Variants in ACOXL observed in about 807,000 individuals in gnomAD.
ACOXL encodes acyl-coenzyme A oxidase-like protein.
Under a neutral mutation model 71.9 loss-of-function variants are expected in ACOXL, and 70 were observed. That is an observed-to-expected ratio of 0.97 (90% confidence interval 0.80 to 1.19). The LOEUF is 1.19. ACOXL is among the 50% of genes most tolerant of loss of function. The pLI is 0.00. For synonymous variants in ACOXL, 253 were observed against 281.6 expected (o/e 0.90, Z 1.02); for missense variants, 703 against 736.3 (o/e 0.95, Z 0.52).
At chr2:110,909,412 A>G (rs2059574347) in intron 11 of ACOXL, among the ~76,000 whole-genome samples, 1 of 152,088 alleles carries the variant, frequency 6.6e-6, no homozygotes, top group South Asian at 2.1e-4. Flanking sequence ...TCTGCCTCTC[A>G]GCTATTCCTC....
chr2:110,927,865 T>C (rs2060336385), intron 11 of ACOXL, among the ~76,000 whole-genome samples: 1 of 152,232 alleles, frequency 6.6e-6, no homozygotes, highest in African/African-American at 2.4e-5. Context: ...GAAACGTACA[T>C]TTCTGAAGGG....
intron 1 of ACOXL, among the ~76,000 whole-genome samples, chr2:110,766,659 CTTGT>C (rs1235741151): frequency 1.3e-3 from 201 of 152,264 alleles, no homozygotes; most frequent in Non-Finnish European, 2.4e-3. Flanking sequence ...CTCCTTTTTC[CTTGT>C]TAATACCGAG....
intron 12 of ACOXL, among the ~76,000 whole-genome samples, chr2:110,985,987 G>A (rs1174227774): frequency 2.0e-5 from 3 of 152,126 alleles, no homozygotes; most frequent in Non-Finnish European, 4.4e-5. Context: ...AGTTCGTGGG[G>A]ATTTATTCTC....
At chr2:111,043,522 G>A (rs1205250963) in intron 15 of ACOXL, among the ~76,000 whole-genome samples, 1 of 152,176 alleles carries the variant, frequency 6.6e-6, no homozygotes, top group Non-Finnish European at 1.5e-5. Flanking sequence ...GGAGGAGAGG[G>A]CTGAGGGACA....
At chr2:110,968,168 G>A (rs879188683) in intron 12 of ACOXL, 8 of 1,207,544 alleles carry the variant, frequency 6.6e-6, no homozygotes, top group African/African-American at 3.0e-5. Flanking sequence ...CTTCTCAATA[G>A]GTTTGGCACA....
chr2:110,893,648 A>G (rs2058883461), intron 10 of ACOXL, among the ~76,000 whole-genome samples: 1 of 152,222 alleles, frequency 6.6e-6, no homozygotes, highest in Non-Finnish European at 1.5e-5. Context: ...GCCTTCAAGT[A>G]TAGTTAATGA....
At chr2:110,820,499 A>G (rs1688464600) in intron 9 of ACOXL, among the ~76,000 whole-genome samples, 1 of 151,920 alleles carries the variant, frequency 6.6e-6, no homozygotes, top group Non-Finnish European at 1.5e-5. Flanking sequence ...GTGCCCCAGC[A>G]GATGACTTCT....
chr2:110,990,980 T>A (rs763229186), intron 13 of ACOXL, among the ~76,000 whole-genome samples: 1 of 152,194 alleles, frequency 6.6e-6, no homozygotes, highest in Non-Finnish European at 1.5e-5. Context: ...TATGTCAAAG[T>A]TTTACATCTC....
Position 111,092,951 on chromosome 2 carries a change from G to A in ACOXL, c.1527G>A (p.Thr509=), listed in dbSNP as rs754574422. The part of the protein sequence containing the change: ...EHKYLTPMAS[T]RIRNQLLDLC... ...AATACTTGACTCCCATGGCCAGCAC[G>A]AGGATCAGGAATCAGGTAAGGTCCC... Residue 509 remains threonine, a synonymous_variant, in exon 17 of 18, where the codon ACG becomes ACA. Coordinates refer to ENST00000439055, the MANE Select transcript of ACOXL (RefSeq NM_001142807.4). 83 of 1,613,822 alleles carry A rather than the reference G, an allele frequency of 5.1e-5. 1 individual carries two copies. The highest frequency in any genetic ancestry group is 4.8e-4 in the Admixed American group (29 of 59,976).
At chr2:111,055,666 G>T (rs2066498835) in intron 16 of ACOXL, among the ~76,000 whole-genome samples, 1 of 152,218 alleles carries the variant, frequency 6.6e-6, no homozygotes, top group Non-Finnish European at 1.5e-5. Flanking sequence ...CAGTCATCTG[G>T]GGCTGGGAAT....
At chr2:111,076,387 A>G (rs796345570) in intron 16 of ACOXL, among the ~76,000 whole-genome samples, 11 of 152,092 alleles carry the variant, frequency 7.2e-5, no homozygotes, top group African/African-American at 2.2e-4. Flanking sequence ...TGAAGTCTAC[A>G]TTGTCTGATA....
At chr2:111,019,955 G>A (rs111849794) in intron 14 of ACOXL, among the ~76,000 whole-genome samples, 6 of 152,188 alleles carry the variant, frequency 3.9e-5, no homozygotes, top group Admixed American at 6.5e-5. Flanking sequence ...CTACCTCTCC[G>A]GTTCAAGCGA....
At chr2:111,095,391 C>CTTTTTTTTTTTTTTTTTTTTTTT (rs780172456) in intron 17 of ACOXL, among the ~76,000 whole-genome samples, 1 of 116,592 alleles carries the variant, frequency 8.6e-6, no homozygotes, top group Non-Finnish European at 1.7e-5. Context: ...TTTTCTTTTT[C>CTTTTTTTTTTTTTTTTTTTTTTT]TTTTTTTTTT....
rs556094239 is a variant in ACOXL, at chr2:110,948,061, T to C, written c.1059+14419T>C. 5.9e-5 allele frequency among the ~76,000 whole-genome samples: 9 copies of C among 152,346 alleles called. No homozygotes were observed. The South Asian group carries it at 1.0e-3, about 18-fold the overall frequency. ...TTCTCATCTCTGCCCCCAGCTGCCC[T>C]GTTTCTCCTCAGTGCGTTCCAGAAT... is the stretch of plus-strand genomic sequence containing the variant. On this transcript the variant is annotated intron_variant, in intron 12 of 17. Transcript: ENST00000439055.
At chr2:110,986,227 C>T (rs1455124022) in intron 12 of ACOXL, among the ~76,000 whole-genome samples, 1 of 152,054 alleles carries the variant, frequency 6.6e-6, no homozygotes, top group East Asian at 1.9e-4. Context: ...TTAAAGCAAA[C>T]ATAACATTTT....
intron 10 of ACOXL, among the ~76,000 whole-genome samples, chr2:110,874,179 G>T (rs1372842197): frequency 6.6e-6 from 1 of 152,238 alleles, no homozygotes; most frequent in Non-Finnish European, 1.5e-5. Context: ...CTGCAAGGCA[G>T]CAGGGGACAA....
At chr2:110,880,582 T>C (rs1696515411) in intron 10 of ACOXL, among the ~76,000 whole-genome samples, 1 of 152,188 alleles carries the variant, frequency 6.6e-6, no homozygotes, top group South Asian at 2.1e-4. Context: ...ACTGTTTCTG[T>C]AGGATGGGTT....
chr2:110,978,467 G>A (rs1313832597), intron 12 of ACOXL, among the ~76,000 whole-genome samples: 2 of 152,190 alleles, frequency 1.3e-5, no homozygotes, highest in African/African-American at 4.8e-5. Flanking sequence ...GCAGAGAAGT[G>A]TGGCAGAGGG....
intron 16 of ACOXL, among the ~76,000 whole-genome samples, chr2:111,091,728 A>G (rs1189796244): frequency 1.3e-5 from 2 of 152,244 alleles, no homozygotes; most frequent in African/African-American, 4.8e-5. Flanking sequence ...TGGTAATTTC[A>G]TAAAAGAGCT....
Sources: gnomAD v4.1 joint callset for allele counts (sites outside exome capture counted in the v4.1 genomes callset) on GRCh38, gnomAD v4.1.1 for gene constraint, MANE v1.5 for transcripts, NCBI Gene and HGNC (gene_info 2026-07-23, HGNC 2026-07-21) for gene names.